FHOD3: variants seen among roughly 807,000 people sequenced by gnomAD.
FHOD3 encodes FH1/FH2 domain-containing protein 3.
In FHOD3, 90 loss-of-function variants were observed where a neutral mutation model predicts 173.0. The ratio of observed to expected loss-of-function variants is 0.52; its 90% CI spans 0.44 to 0.62. The LOEUF (loss-of-function observed/expected upper bound fraction) is 0.62, where lower values mean the gene tolerates loss of function less well. Among genes scored for constraint, FHOD3 ranks in the 20% least tolerant of loss-of-function variants. The pLI, the probability that FHOD3 is intolerant of heterozygous loss-of-function variation, is 0.00. For synonymous variants in FHOD3, 828 were observed against 823.0 expected (o/e 1.01, Z -0.10); for missense variants, 1,945 against 2,034.7 (o/e 0.96, Z 0.85).
rs1346170227 is a variant in FHOD3, at chr18:36,718,277, A to T, written c.2979A>T (p.Gln993His). The change falls in exon 19 of 29, where the codon CAA (glutamine) becomes CAT (histidine). Residue 993 changes from glutamine to histidine, a missense_variant. By Grantham distance (24) the Gln-to-His change is conservative. This residue lies in a region of FHOD3 where 1,099 missense variants were observed against 1,051.2 expected (regional missense o/e 1.05). Coordinates refer to ENST00000590592, the MANE Select transcript of FHOD3 (RefSeq NM_001281740.3). ...CCAATCCAAGAGAGCTCAGAATCCA[A>T]GACATGGATTTCACTGACCTGGGGG... Reference protein sequence around the residue: ...LMANPRELRIQDMDFTDLGEE... With the variant: ...LMANPRELRIHDMDFTDLGEE... 8 of 1,614,042 alleles carry T rather than the reference A, an allele frequency of 5.0e-6. No homozygotes were observed. Among genetic ancestry groups the T allele is most frequent in the Non-Finnish European group, 6.8e-6 (8 of 1,180,028 alleles).
chr18:36,708,054 G>T (rs2039978455), intron 17 of FHOD3, among the ~76,000 whole-genome samples: 1 of 152,096 alleles, frequency 6.6e-6, no homozygotes, highest in South Asian at 2.1e-4. Flanking sequence ...CATAGCTGAG[G>T]GTTTTGCTCA....
rs531863156 is a variant in FHOD3 at position 36,481,449 on chromosome 18, A to G, written c.338-20483A>G. The stretch of plus-strand genomic sequence containing the variant: ...GTGGGGGCTGGGGAAAAGGCAGACA[A>G]CTTTTTTTTTTTTTTCAGGATAGCA... On this transcript the variant is annotated intron_variant, in intron 3 of 28. Coordinates refer to ENST00000590592, the MANE Select transcript of FHOD3 (RefSeq NM_001281740.3). 2.5e-3 allele frequency among the ~76,000 whole-genome samples: 269 copies of G among 109,000 alleles called. 1 individual carries two copies. Among genetic ancestry groups the G allele is most frequent in the African/African-American group, 8.8e-3 (253 of 28,674 alleles). The allele number at this position is 109,000 out of a possible 152,430, so 71.5% of individuals were successfully genotyped here.
chr18:36,312,088 T>G (rs2092271193), intron 1 of FHOD3, among the ~76,000 whole-genome samples: 1 of 152,208 alleles, frequency 6.6e-6, no homozygotes, highest in Non-Finnish European at 1.5e-5. Flanking sequence ...ACTACTGCAA[T>G]AAAACTACTC....
intron 8 of FHOD3, 35 bp downstream of exon 8, chr18:36,602,803 C>T (rs781271858): frequency 6.7e-7 from 1 of 1,502,308 alleles, no homozygotes; most frequent in South Asian, 1.1e-5. Context: ...AATTGCGTCA[C>T]CTAAAAAGAT....
At chr18:36,338,768 C>T (rs1008870978) in intron 1 of FHOD3, among the ~76,000 whole-genome samples, 4 of 152,142 alleles carry the variant, frequency 2.6e-5, no homozygotes, top group African/African-American at 9.7e-5. Flanking sequence ...GGCTTCTGCT[C>T]CTGGGCCTTC....
chr18:36,393,137 A>T (rs1385427492), intron 3 of FHOD3, among the ~76,000 whole-genome samples: 1 of 152,262 alleles, frequency 6.6e-6, no homozygotes, highest in African/African-American at 2.4e-5. Flanking sequence ...AGTGTCTGCC[A>T]TGCTGGCCAC....
intron 3 of FHOD3, among the ~76,000 whole-genome samples, chr18:36,476,415 C>T (rs892167962): frequency 2.6e-5 from 4 of 152,204 alleles, no homozygotes; most frequent in Non-Finnish European, 4.4e-5. Flanking sequence ...GCCTGTTAGG[C>T]TGCACCAGGC....
At chr18:36,590,331 GATAC>G (rs763594799) in intron 6 of FHOD3, among the ~76,000 whole-genome samples, 1 of 152,162 alleles carries the variant, frequency 6.6e-6, no homozygotes, top group Non-Finnish European at 1.5e-5. Flanking sequence ...CTGCATTCCA[GATAC>G]ATGAGGGCAT....
chr18:36,561,796 A>G (rs1456465641), intron 5 of FHOD3, among the ~76,000 whole-genome samples: 3 of 152,130 alleles, frequency 2.0e-5, no homozygotes, highest in African/African-American at 7.2e-5. Flanking sequence ...TGTGGTCACA[A>G]TAGGAAGATT....
At chr18:36,507,829 A>T (rs2055386003) in intron 4 of FHOD3, among the ~76,000 whole-genome samples, 1 of 151,396 alleles carries the variant, frequency 6.6e-6, no homozygotes, top group Non-Finnish European at 1.5e-5. Flanking sequence ...GTTGGGCTAG[A>T]CTCTTCTTAT....
chr18:36,600,252 A>AACACACACAC (rs67473480), intron 7 of FHOD3, among the ~76,000 whole-genome samples: 3,914 of 143,110 alleles, frequency 0.027, 123 homozygotes, highest in East Asian at 0.14. Flanking sequence ...TCTCCTCTGC[A>AACACACACAC]ACACACACAC....
At chr18:36,554,511 CATT>C (rs2057793437) in intron 5 of FHOD3, among the ~76,000 whole-genome samples, 1 of 151,624 alleles carries the variant, frequency 6.6e-6, no homozygotes, top group Admixed American at 6.6e-5. Flanking sequence ...GGAGGGATAA[CATT>C]AGGAGATATA....
At chr18:36,755,397 CTTTTTTTTTTTTTTTTTTTT>C (rs200164880) in intron 25 of FHOD3, 86 bp downstream of exon 25, 4 of 212,612 alleles carry the variant, frequency 1.9e-5, no homozygotes, top group South Asian at 3.5e-4. Context: ...AAAAGCTGTG[CTTTTTTTTTTTTTTTTTTTT>C]TTTTTTTTGA....
At chr18:36,765,481 A>T (rs1320859687) in intron 27 of FHOD3, among the ~76,000 whole-genome samples, 1 of 152,250 alleles carries the variant, frequency 6.6e-6, no homozygotes, top group South Asian at 2.1e-4. Flanking sequence ...GAAAATCAAG[A>T]AGAAAAATAG....
chr18:36,442,753 A>G (rs1259627868), intron 3 of FHOD3, among the ~76,000 whole-genome samples: 1 of 152,178 alleles, frequency 6.6e-6, no homozygotes, highest in Non-Finnish European at 1.5e-5. Flanking sequence ...CATTTCCATT[A>G]ACTATTCTAG....
intron 1 of FHOD3, among the ~76,000 whole-genome samples, chr18:36,312,848 T>C (rs1235616500): frequency 1.3e-5 from 2 of 152,112 alleles, no homozygotes; most frequent in Non-Finnish European, 1.5e-5. Context: ...CAATCATATT[T>C]ATTATCTCTC....
intron 11 of FHOD3, among the ~76,000 whole-genome samples, chr18:36,649,944 A>T (rs537587545): frequency 1.2e-4 from 19 of 152,356 alleles, no homozygotes; most frequent in Non-Finnish European, 2.5e-4. Context: ...CAACTAACAT[A>T]TAACTCTATA....
intron 3 of FHOD3, among the ~76,000 whole-genome samples, chr18:36,406,248 G>A (rs888892293): frequency 6.6e-6 from 1 of 152,220 alleles, no homozygotes; most frequent in South Asian, 2.1e-4. Flanking sequence ...AGGCATTGCT[G>A]CTACAAATAC....
chr18:36,518,633 A>G (rs1208224599), intron 5 of FHOD3, among the ~76,000 whole-genome samples: 1 of 152,206 alleles, frequency 6.6e-6, no homozygotes, highest in African/African-American at 2.4e-5. Context: ...AAAGATTGTG[A>G]ATTATGAACA....
Sources: gnomAD v4.1 joint callset for allele counts (sites outside exome capture counted in the v4.1 genomes callset) on GRCh38, gnomAD v4.1.1 for gene constraint, gnomAD v4.1.1 regional missense constraint, MANE v1.5 for transcripts, NCBI Gene and HGNC (gene_info 2026-07-23, HGNC 2026-07-21) for gene names.